Variants in PRKCI observed in about 807,000 individuals in gnomAD.
PRKCI encodes protein kinase C iota type.
PRKCI carries 43 observed loss-of-function variants against 84.0 expected under a neutral mutation model. That is an observed-to-expected ratio of 0.51 (90% CI 0.40 to 0.66). PRKCI has a LOEUF of 0.66. PRKCI is among the 30% of genes least tolerant of loss of function. PRKCI has a pLI of 0.00. For synonymous variants in PRKCI, 216 were observed against 234.4 expected (o/e 0.92, Z 0.72); for missense variants, 459 against 745.6 (o/e 0.62, Z 4.48).
intron 4 of PRKCI, among the ~76,000 whole-genome samples, chr3:170,266,283 T>C (rs559248311): frequency 2.0e-5 from 3 of 152,290 alleles, no homozygotes; most frequent in East Asian, 1.9e-4. Context: ...GTACAAAATA[T>C]CACTTTACAG....
intron 2 of PRKCI, among the ~76,000 whole-genome samples, chr3:170,259,292 G>A (rs752848929): frequency 6.6e-6 from 1 of 151,982 alleles, no homozygotes; most frequent in Non-Finnish European, 1.5e-5. Flanking sequence ...GATTGCTTGA[G>A]CCCAGGAGGT....
intron 2 of PRKCI, among the ~76,000 whole-genome samples, chr3:170,237,344 A>G (rs1488068882): frequency 6.6e-6 from 1 of 152,182 alleles, no homozygotes. Context: ...TTTATTTTAC[A>G]TGACTATTAT....
intron 2 of PRKCI, among the ~76,000 whole-genome samples, chr3:170,250,436 C>A (rs1403745399): frequency 3.0e-5 from 3 of 99,096 alleles, no homozygotes; most frequent in Admixed American, 1.0e-4. Flanking sequence ...TTACCAACCC[C>A]CCCCCCCCAA....
chr3:170,235,292 G>A lies in PRKCI; in HGVS notation c.164G>A (p.Arg55Gln). 3 of 1,613,968 alleles carry A rather than the reference G, an allele frequency of 1.9e-6. No homozygotes were observed. The highest frequency in any genetic ancestry group is 2.5e-6 in the Non-Finnish European group (3 of 1,179,962). ...ISFEGLCNEVRDMCSFDNEQL... is the reference protein window; with the variant it reads ...ISFEGLCNEVQDMCSFDNEQL... ...TTTGAGGGCCTTTGCAATGAGGTTC[G>A]AGACATGTGTTCTTTTGACAACGAA... is the stretch of plus-strand genomic sequence containing the variant. The change falls in exon 2 of 18, where the codon CGA becomes CAA. Residue 55 changes from arginine (R) to glutamine (Q), a missense_variant. Transcript: ENST00000295797.
intron 13 of PRKCI, among the ~76,000 whole-genome samples, chr3:170,292,190 A>G (rs182357711): frequency 2.7e-4 from 41 of 152,346 alleles, no homozygotes; most frequent in African/African-American, 9.4e-4. Flanking sequence ...AGCAGGCACT[A>G]TTCTAAGCAG....
intron 2 of PRKCI, among the ~76,000 whole-genome samples, chr3:170,257,490 A>G (rs1237611573): frequency 6.6e-6 from 1 of 152,148 alleles, no homozygotes; most frequent in East Asian, 1.9e-4. Context: ...ATTATAAAAG[A>G]TTACAAACTT....
chr3:170,296,248 A>C (rs1274498453), intron 15 of PRKCI, among the ~76,000 whole-genome samples: 1 of 152,222 alleles, frequency 6.6e-6, no homozygotes, highest in Non-Finnish European at 1.5e-5. Context: ...TGTAAATAAT[A>C]TATACCATAT....
intron 12 of PRKCI, among the ~76,000 whole-genome samples, chr3:170,286,598 G>T (rs531977838): frequency 8.0e-4 from 110 of 136,706 alleles, no homozygotes; most frequent in African/African-American, 2.8e-3. Context: ...TATATAAATT[G>T]TTACAAACCT....
rs548696442 is a variant in PRKCI, at chr3:170,300,874, T to C, written c.1703+1764T>C. Among the ~76,000 whole-genome samples, 15 of 152,274 alleles carry C rather than the reference T, an allele frequency of 9.9e-5. No homozygotes were observed. In the South Asian group the frequency reaches 2.9e-3, roughly 30 times the overall value. On this transcript the variant is annotated intron_variant, in intron 17 of 17. Coordinates refer to ENST00000295797, the MANE Select transcript of PRKCI (RefSeq NM_002740.6). ...TTGCCTTGGGTAGCACTGCCTATTC[T>C]GGTTCTGTTTCATCTCTGTGACTAC...
chr3:170,232,271 G>A (rs1162270133), intron 1 of PRKCI, among the ~76,000 whole-genome samples: 9 of 152,064 alleles, frequency 5.9e-5, no homozygotes, highest in African/African-American at 1.4e-4. Context: ...GGCAGGCCTC[G>A]AACTCCTGTA....
chr3:170,300,805 C>T (rs897674355), intron 17 of PRKCI, among the ~76,000 whole-genome samples: 1 of 151,732 alleles, frequency 6.6e-6, no homozygotes, highest in Non-Finnish European at 1.5e-5. Flanking sequence ...TGGGGTCAGT[C>T]CTCCTCTCCC....
chr3:170,280,540 C>G, intron 9 of PRKCI, 137 bp downstream of exon 9: 2 of 726,588 alleles, frequency 2.8e-6, no homozygotes, highest in Non-Finnish European at 4.2e-6. Context: ...CCTCTGCCTC[C>G]CAGGTTCAAG....
chr3:170,258,283 C>T (rs984241601), intron 2 of PRKCI, among the ~76,000 whole-genome samples: 10 of 150,796 alleles, frequency 6.6e-5, no homozygotes, highest in South Asian at 2.1e-4. Flanking sequence ...CACTTTCACT[C>T]GCTCAGGTCC....
At chr3:170,300,233 T>A (rs374843536) in intron 17 of PRKCI, among the ~76,000 whole-genome samples, 6 of 152,332 alleles carry the variant, frequency 3.9e-5, no homozygotes, top group African/African-American at 1.4e-4. Flanking sequence ...TGTCTTAATT[T>A]GATGCAAGGA....
At position 170,270,574 on chromosome 3, in the gene PRKCI, T is replaced by TC. The variant is rs1251829325; in HGVS notation, c.591+15dup. On this transcript the variant is annotated intron_variant, in intron 6 of 17. Coordinates refer to ENST00000295797, the MANE Select transcript of PRKCI (RefSeq NM_002740.6). Reference sequence around the variant, plus strand: ...TTCTTTGCCACAGGTAAGATGTCTGTCCTTTTTTTTTTTTTTTTTTTTAAG... The same window carrying TC: ...TTCTTTGCCACAGGTAAGATGTCTGTCCCTTTTTTTTTTTTTTTTTTTTAAG... 6.6e-7 allele frequency: 1 copy of TC among 1,506,036 alleles called. No homozygotes were observed. Among genetic ancestry groups the TC allele is most frequent in the African/African-American group, 1.5e-5 (1 of 66,598 alleles). The allele number at this position is 1,506,036 out of a possible 1,614,324, so 93.3% of individuals were successfully genotyped here.
chr3:170,227,034 T>G (rs1194078314), intron 1 of PRKCI, among the ~76,000 whole-genome samples: 1 of 152,162 alleles, frequency 6.6e-6, no homozygotes, highest in Non-Finnish European at 1.5e-5. Context: ...ACTGACAATG[T>G]GCAAATGAAA....
At chr3:170,291,531 T>C (rs1440822720) in intron 12 of PRKCI, 2 of 229,892 alleles carry the variant, frequency 8.7e-6, no homozygotes, top group African/African-American at 4.5e-5. Context: ...ACCCTGTCTC[T>C]ACTAAAAATA....
chr3:170,260,579 A>G (rs1360261617), intron 3 of PRKCI, among the ~76,000 whole-genome samples: 2 of 152,210 alleles, frequency 1.3e-5, no homozygotes, highest in Non-Finnish European at 2.9e-5. Flanking sequence ...CAGCCTCCCA[A>G]GTAGCTGGGA....
chr3:170,300,731 C>T (rs1006378479), intron 17 of PRKCI, among the ~76,000 whole-genome samples: 2 of 148,860 alleles, frequency 1.3e-5, no homozygotes, highest in Non-Finnish European at 3.0e-5. Context: ...CCCTTACAAT[C>T]GAACCTGTCC....
Sources: allele counts gnomAD v4.1 joint callset (sites outside exome capture counted in the v4.1 genomes callset), GRCh38; gene constraint gnomAD v4.1.1; transcripts MANE v1.5; gene names NCBI Gene and HGNC (gene_info 2026-07-23, HGNC 2026-07-21).